The following DDR2 variants were observed in gnomAD, a reference collection of about 807,000 sequenced individuals.
DDR2 encodes discoidin domain-containing receptor 2.
Under a neutral mutation model 94.9 loss-of-function variants are expected in DDR2, and 27 were observed. That is an observed-to-expected ratio of 0.28 (90% CI 0.21 to 0.39). The LOEUF is 0.39. Among genes scored for constraint, DDR2 ranks in the 10% least tolerant of loss-of-function variants. The probability of loss-of-function intolerance (pLI) is 1.00; values close to 1 mark genes in which losing one functional copy is unlikely to be tolerated. For synonymous variants in DDR2, 382 were observed against 377.2 expected (o/e 1.01, Z -0.15); for missense variants, 783 against 1,076.0 (o/e 0.73, Z 3.81).
intron 16 of DDR2, among the ~76,000 whole-genome samples, chr1:162,777,385 G>A (rs923153179): frequency 6.6e-6 from 1 of 151,970 alleles, no homozygotes; most frequent in Non-Finnish European, 1.5e-5. Context: ...TATTCCATGT[G>A]TAGATATATA....
intron 2 of DDR2, among the ~76,000 whole-genome samples, chr1:162,691,050 C>T (rs1659941458): frequency 6.6e-6 from 1 of 152,170 alleles, no homozygotes; most frequent in African/African-American, 2.4e-5. Context: ...GTCACGAGCT[C>T]TCTCACCAAC....
chr1:162,778,668 A>G lies in DDR2; in HGVS notation c.2372A>G (p.Gln791Arg), dbSNP rs1433624804. ...FTFCQEQPYS[Q>R]LSDEQVIENT... is the part of the protein sequence containing the mutation. Reference sequence around the variant, plus strand: ...TTTTGTCAAGAACAGCCCTATTCCCAGCTGTCAGATGAACAGGTTATTGAG... The same window carrying G: ...TTTTGTCAAGAACAGCCCTATTCCCGGCTGTCAGATGAACAGGTTATTGAG... Residue 791 changes from glutamine (Q) to arginine (R), a missense_variant, in exon 17 of 18, where the codon CAG (glutamine) becomes CGG (arginine). Physicochemically the swap from Gln to Arg is conservative, Grantham distance 43 (BLOSUM62 1). Coordinates refer to ENST00000367921, the MANE Select transcript of DDR2 (RefSeq NM_006182.4). 6.2e-7 allele frequency: 1 copy of G among 1,613,892 alleles called. No homozygotes were observed. Among genetic ancestry groups the G allele is most frequent in the East Asian group, 2.2e-5 (1 of 44,888 alleles).
At chr1:162,725,333 G>A (rs552238770) in intron 3 of DDR2, among the ~76,000 whole-genome samples, 7 of 152,100 alleles carry the variant, frequency 4.6e-5, no homozygotes, top group Admixed American at 3.3e-4. Flanking sequence ...TCTTTATCCC[G>A]TTTTTCAAAT....
chr1:162,719,590 G>C (rs1296092289), intron 3 of DDR2, among the ~76,000 whole-genome samples: 1 of 152,130 alleles, frequency 6.6e-6, no homozygotes, highest in East Asian at 1.9e-4. Flanking sequence ...TCTCAGGCAG[G>C]TTCTCTTTCC....
intron 3 of DDR2, among the ~76,000 whole-genome samples, chr1:162,732,695 G>A (rs991587992): frequency 1.3e-5 from 2 of 152,228 alleles, no homozygotes; most frequent in African/African-American, 4.8e-5. Flanking sequence ...GGCCCAGAGA[G>A]GCCCAGGTGT....
chr1:162,756,597 C>A (rs1663476187), intron 7 of DDR2, among the ~76,000 whole-genome samples: 1 of 152,114 alleles, frequency 6.6e-6, no homozygotes, highest in Admixed American at 6.5e-5. Flanking sequence ...AAGACCAGAC[C>A]AGATGATGGA....
intron 2 of DDR2, among the ~76,000 whole-genome samples, chr1:162,711,624 G>T (rs1253894024): frequency 6.6e-6 from 1 of 152,208 alleles, no homozygotes; most frequent in Non-Finnish European, 1.5e-5. Flanking sequence ...TGGAGCAAAA[G>T]ATCCAGGAGT....
chr1:162,722,680 A>G (rs1661475840), intron 3 of DDR2, among the ~76,000 whole-genome samples: 1 of 152,208 alleles, frequency 6.6e-6, no homozygotes, highest in African/African-American at 2.4e-5. Flanking sequence ...TTGAGTAACA[A>G]CCCTAATTAT....
At position 162,750,528 on chromosome 1, in the gene DDR2, G is replaced by A. The variant is rs549749874; in HGVS notation, c.83-2567G>A. Among the ~76,000 whole-genome samples the A allele has an allele frequency of 8.5e-5, 13 of 152,182 alleles. No individual in the cohort carries two copies. In the South Asian group the frequency reaches 2.1e-3, roughly 24 times the overall value. On this transcript the variant is annotated intron_variant, in intron 3 of 17. Coordinates refer to ENST00000367921, the MANE Select transcript of DDR2 (RefSeq NM_006182.4). Reference sequence around the variant, plus strand: ...ACAAATGGAAGAACATTCCATGCTCGTGGGTAGGAAGAATCAATATCGTGG... The same window carrying A: ...ACAAATGGAAGAACATTCCATGCTCATGGGTAGGAAGAATCAATATCGTGG...
At chr1:162,744,143 AATG>A (rs1662738888) in intron 3 of DDR2, among the ~76,000 whole-genome samples, 1 of 152,254 alleles carries the variant, frequency 6.6e-6, no homozygotes, top group South Asian at 2.1e-4. Flanking sequence ...TGATAATCAT[AATG>A]ATGATGACTG....
chr1:162,676,829 T>TAGAA (rs1659152144), intron 2 of DDR2, among the ~76,000 whole-genome samples: 1 of 152,198 alleles, frequency 6.6e-6, no homozygotes, highest in African/African-American at 2.4e-5. Flanking sequence ...GTTGCACAGC[T>TAGAA]AGAAAGTAGA....
intron 2 of DDR2, among the ~76,000 whole-genome samples, chr1:162,689,843 A>AAAAAAAAAAAAAAAAAAAAG: frequency 1.1e-5 from 1 of 91,304 alleles, no homozygotes; most frequent in Non-Finnish European, 2.1e-5. Flanking sequence ...ATCTCTACTT[A>AAAAAAAAAAAAAAAAAAAAG]AAAAAAAAAA....
intron 13 of DDR2, chr1:162,772,457 A>G (rs1647278591): frequency 5.1e-6 from 3 of 588,766 alleles, no homozygotes; most frequent in African/African-American, 1.9e-5. Context: ...ATTTCTATAT[A>G]GGAGTTTTTA....
intron 2 of DDR2, among the ~76,000 whole-genome samples, chr1:162,670,478 C>T (rs981995158): frequency 2.6e-5 from 4 of 152,164 alleles, no homozygotes; most frequent in Non-Finnish European, 4.4e-5. Context: ...ATCTTCCTCA[C>T]GTAAAGTCAA....
At chr1:162,696,198 C>A (rs1311441446) in intron 2 of DDR2, among the ~76,000 whole-genome samples, 9 of 102,590 alleles carry the variant, frequency 8.8e-5, no homozygotes, top group Non-Finnish European at 1.0e-4. Context: ...TGTTTCTTTT[C>A]CTTTTTTTTT....
intron 2 of DDR2, among the ~76,000 whole-genome samples, chr1:162,710,792 A>G (rs1227276084): frequency 1.3e-5 from 2 of 151,990 alleles, no homozygotes; most frequent in Non-Finnish European, 2.9e-5. Context: ...ACACACAAAC[A>G]TTGTATTTGC....
chr1:162,692,465 C>T lies in DDR2; in HGVS notation c.-27-26572C>T, dbSNP rs1245724102. 3.9e-5 allele frequency among the ~76,000 whole-genome samples: 6 copies of T among 152,134 alleles called. No homozygotes were observed. The South Asian group carries it at 8.3e-4, about 21-fold the overall frequency. ...GGACATGTAAGGACCTCTCACAAAT[C>T]AATAAGAAAAAGACAAGAAAAGGGA... On this transcript the variant is annotated intron_variant, in intron 2 of 17. Transcript: ENST00000367921.
At chr1:162,634,966 C>T (rs1656742064) in intron 1 of DDR2, among the ~76,000 whole-genome samples, 1 of 152,154 alleles carries the variant, frequency 6.6e-6, no homozygotes, top group Admixed American at 6.5e-5. Context: ...GGCTGCTGCT[C>T]CTGGGGTGGG....
At chr1:162,667,071 A>G (rs1374853032) in intron 2 of DDR2, among the ~76,000 whole-genome samples, 1 of 151,762 alleles carries the variant, frequency 6.6e-6, no homozygotes, top group Non-Finnish European at 1.5e-5. Context: ...TCAATCATCT[A>G]TCTATCTCCA....
Sources: gnomAD v4.1 joint callset for allele counts (sites outside exome capture counted in the v4.1 genomes callset) on GRCh38, gnomAD v4.1.1 for gene constraint, MANE v1.5 for transcripts, NCBI Gene and HGNC (gene_info 2026-07-23, HGNC 2026-07-21) for gene names.